PTGER3: variants seen among roughly 807,000 people sequenced by gnomAD.
PTGER3 encodes prostaglandin E receptor 3.
Under a neutral mutation model 34.7 loss-of-function variants are expected in PTGER3, and 22 were observed. That is an observed-to-expected ratio of 0.63 (90% CI 0.45 to 0.91). The LOEUF (loss-of-function observed/expected upper bound fraction) is 0.91, where lower values mean the gene tolerates loss of function less well. PTGER3 is among the 40% of genes least tolerant of loss of function. PTGER3 has a pLI of 0.00. For missense variants in PTGER3, 468 were observed against 519.4 expected, an observed-to-expected ratio of 0.90 and a Z score of 0.96; for synonymous variants, 241 against 230.1, an observed-to-expected ratio of 1.05 and a Z score of -0.43.
At chr1:71,027,564 A>T (rs904437787) in intron 1 of PTGER3, among the ~76,000 whole-genome samples, 2 of 152,212 alleles carry the variant, frequency 1.3e-5, no homozygotes, top group Non-Finnish European at 2.9e-5. Flanking sequence ...TTTAACCAGA[A>T]CAGGTCTGTT....
chr1:70,997,340 A>T (rs1656085709), intron 2 of PTGER3: 1 of 152,204 alleles, frequency 6.6e-6, no homozygotes, highest in South Asian at 2.1e-4. Context: ...AAACTTAAAA[A>T]TATATACATA....
chr1:70,871,847 C>T (rs12034333), intron 4 of PTGER3, among the ~76,000 whole-genome samples: 16,985 of 151,984 alleles, frequency 0.11, 2,008 homozygotes, highest in African/African-American at 0.28. Context: ...AAATCCATAT[C>T]TAGGGTCATT....
intron 2 of PTGER3, among the ~76,000 whole-genome samples, chr1:70,979,891 T>C (rs1654092253): frequency 1.3e-5 from 2 of 152,192 alleles, no homozygotes; most frequent in African/African-American, 4.8e-5. Flanking sequence ...AATCTTCATC[T>C]TTTAAGGGGG....
intron 4 of PTGER3, among the ~76,000 whole-genome samples, chr1:70,898,448 A>T (rs1646769062): frequency 6.6e-6 from 1 of 152,132 alleles, no homozygotes; most frequent in South Asian, 2.1e-4. Flanking sequence ...CTAAGACTTC[A>T]TTATTCCTCA....
chr1:71,045,411 C>T (rs962311589), intron 1 of PTGER3, among the ~76,000 whole-genome samples: 1 of 152,162 alleles, frequency 6.6e-6, no homozygotes, highest in African/African-American at 2.4e-5. Flanking sequence ...CAAAGGTTTT[C>T]CACAACTGTA....
intron 4 of PTGER3, among the ~76,000 whole-genome samples, chr1:70,869,542 C>T (rs935905085): frequency 2.6e-5 from 4 of 152,170 alleles, no homozygotes; most frequent in African/African-American, 9.7e-5. Flanking sequence ...GAGATAAGTT[C>T]CTTCCACCTA....
At chr1:70,979,939 T>C (rs1654096750) in intron 2 of PTGER3, among the ~76,000 whole-genome samples, 1 of 152,134 alleles carries the variant, frequency 6.6e-6, no homozygotes, top group Non-Finnish European at 1.5e-5. Context: ...CAAAATATAT[T>C]CTTAAGATAA....
intron 4 of PTGER3, among the ~76,000 whole-genome samples, chr1:70,936,963 G>T (rs1319524092): frequency 6.6e-6 from 1 of 152,086 alleles, no homozygotes; most frequent in Non-Finnish European, 1.5e-5. Context: ...TCAGTAGGAG[G>T]GGAAGAGAAT....
chr1:71,046,017 G>A, intron 1 of PTGER3, among the ~76,000 whole-genome samples: 1 of 151,620 alleles, frequency 6.6e-6, no homozygotes, highest in Non-Finnish European at 1.5e-5. Flanking sequence ...AACCCGGCCG[G>A]GCGCGGTGGC....
In PTGER3 at chr1:70,971,036, G is replaced by T; in HGVS notation, c.*694C>A. 1 of 985,170 alleles carries T rather than the reference G, an allele frequency of 1.0e-6. No individual in the cohort carries two copies. The highest frequency in any genetic ancestry group is 1.2e-6 in the Non-Finnish European group (1 of 829,902). 61.0% of individuals were successfully genotyped at this position (985,170 alleles called of 1,614,324 possible). ...AATTTGTTTTTTATGACACTCCAAGGATGCCCTTAGCTGCATCACTCCTTT... is the reference window on the plus strand; with the variant it reads ...AATTTGTTTTTTATGACACTCCAAGTATGCCCTTAGCTGCATCACTCCTTT... On this transcript the variant is annotated 3_prime_UTR_variant, in exon 4 of 4. Coordinates refer to ENST00000306666, the MANE Select transcript of PTGER3 (RefSeq NM_198719.2).
chr1:70,994,673 T>A (rs1428529242), intron 2 of PTGER3, among the ~76,000 whole-genome samples: 1 of 152,034 alleles, frequency 6.6e-6, no homozygotes, highest in African/African-American at 2.4e-5. Flanking sequence ...GGCCAACATA[T>A]TCTTGATCTC....
chr1:70,989,236 A>G (rs1336440710), intron 2 of PTGER3, among the ~76,000 whole-genome samples: 1 of 152,210 alleles, frequency 6.6e-6, no homozygotes, highest in Admixed American at 6.5e-5. Flanking sequence ...CTTAAATTTT[A>G]TAAAGCTTGG....
chr1:70,897,618 CAT>C (rs1406493256), intron 4 of PTGER3, among the ~76,000 whole-genome samples: 2 of 152,168 alleles, frequency 1.3e-5, no homozygotes, highest in African/African-American at 4.8e-5. Context: ...TATCATAAGA[CAT>C]GTCTCCCCTT....
chr1:71,012,552 C>T, intron 1 of PTGER3, 68 bp from the exon 2 acceptor site: 1 of 1,366,088 alleles, frequency 7.3e-7, no homozygotes, highest in East Asian at 2.3e-5. Context: ...CTACACTGTA[C>T]TTTGCACATA....
chr1:70,981,315 CCTTTCTTCTTTCTTTCTTTCTTTCT>C (rs1557708589), intron 2 of PTGER3, among the ~76,000 whole-genome samples: 2,605 of 94,548 alleles, frequency 0.028, 62 homozygotes, highest in Middle Eastern at 0.042. Context: ...TTCCTTCCTT[CCTTTCTTCTTTCTTTCTTTCTTTCT>C]TTCTTTCTTT....
rs760911230 is a variant in PTGER3 at position 70,971,031 on chromosome 1, C to T, written c.*699G>A. 3.8e-5 allele frequency: 37 copies of T among 985,168 alleles called. No homozygotes were observed. The highest frequency in any genetic ancestry group is 4.5e-5 in the Non-Finnish European group (37 of 829,912). 61.0% of individuals were successfully genotyped at this position (985,168 alleles called of 1,614,324 possible). ...CCTCAAATTTGTTTTTTATGACACT[C>T]CAAGGATGCCCTTAGCTGCATCACT... is the stretch of plus-strand genomic sequence containing the variant. On this transcript the variant is annotated 3_prime_UTR_variant, in exon 4 of 4. Transcript: ENST00000306666.
chr1:70,862,592 G>A (rs1251273450), intron 4 of PTGER3, among the ~76,000 whole-genome samples: 1 of 152,158 alleles, frequency 6.6e-6, no homozygotes, highest in Non-Finnish European at 1.5e-5. Flanking sequence ...TTGAAGGAAG[G>A]ATAAGAGCTG....
intron 2 of PTGER3, among the ~76,000 whole-genome samples, chr1:71,004,136 C>T (rs2250312): frequency 0.47 from 71,259 of 151,972 alleles, 17,237 homozygotes; most frequent in East Asian, 0.67. Context: ...TATTCAAAGC[C>T]TTCTTTTTAA....
chr1:70,852,958 T>C, intron 4 of PTGER3: 1 of 1,341,352 alleles, frequency 7.5e-7, no homozygotes, highest in Non-Finnish European at 1.1e-6. Flanking sequence ...AATTTCAGAT[T>C]ATGAACAGGA....
Sources: allele counts gnomAD v4.1 joint callset (sites outside exome capture counted in the v4.1 genomes callset), GRCh38; gene constraint gnomAD v4.1.1; transcripts MANE v1.5; gene names NCBI Gene and HGNC (gene_info 2026-07-23, HGNC 2026-07-21).